HS6ST2: variants seen among roughly 807,000 people sequenced by gnomAD.
HS6ST2 encodes heparan sulfate 6-O-sulfotransferase 2.
Under a neutral mutation model 33.0 loss-of-function variants are expected in HS6ST2, and 17 were observed. That is an observed-to-expected ratio of 0.52 (90% CI 0.35 to 0.77). The LOEUF (loss-of-function observed/expected upper bound fraction) is 0.77, where lower values mean the gene tolerates loss of function less well. Ranked by LOEUF, HS6ST2 falls within the 30% of genes least tolerant of loss-of-function variation. HS6ST2 has a pLI of 0.01. For synonymous variants in HS6ST2, 248 were observed against 237.1 expected (o/e 1.05, Z -0.42); for missense variants, 519 against 551.7 (o/e 0.94, Z 0.59).
intron 2 of HS6ST2, among the ~76,000 whole-genome samples, chrX:132,887,826 G>A (rs1377265122): frequency 1.8e-5 from 2 of 112,162 alleles, no homozygotes; most frequent in African/African-American, 6.5e-5. Context: ...GCCATCAAAA[G>A]GAATAAAGTA....
At chrX:132,905,013 T>C (rs2066458679) in intron 2 of HS6ST2, among the ~76,000 whole-genome samples, 1 of 111,751 alleles carries the variant, frequency 8.9e-6, no homozygotes, top group African/African-American at 3.3e-5. Context: ...GCAGTTTTTG[T>C]TTATTGCCCA....
At chrX:132,729,973 A>T in intron 2 of HS6ST2, among the ~76,000 whole-genome samples, 1 of 109,675 alleles carries the variant, frequency 9.1e-6, no homozygotes, top group East Asian at 2.9e-4. Flanking sequence ...CTGCCTGCTC[A>T]GCCTCCTCTT....
chrX:132,628,822 C>G lies in HS6ST2; in HGVS notation c.1339G>C (p.Val447Leu), dbSNP rs758915436. ...TTGTTTCTTTGCTTTTCAGGCATGA[C>G]AGAGAGGTTGTAGCAGCCTACCAGG... ...LTLVGCYNLS[V>L]MPEKQRNKVL... The change falls in exon 5 of 5, where the codon GTC becomes CTC. Residue 447 changes from valine (V) to leucine (L), a missense_variant. Physicochemically the swap from Val to Leu is conservative, Grantham distance 32 (BLOSUM62 1). Coordinates refer to ENST00000370833, the MANE Select transcript of HS6ST2 (RefSeq NM_001394073.1). 28 of 1,211,817 alleles carry G rather than the reference C, an allele frequency of 2.3e-5. 1 individual carries two copies. The South Asian group carries it at 3.9e-4, about 17-fold the overall frequency.
intron 2 of HS6ST2, among the ~76,000 whole-genome samples, chrX:132,875,021 G>A (rs1461222137): frequency 1.8e-5 from 2 of 111,716 alleles, no homozygotes; most frequent in East Asian, 5.7e-4. Flanking sequence ...AGAAGTCCAA[G>A]AGTAGAGGAA....
At chrX:132,837,723 G>A (rs1263934815) in intron 2 of HS6ST2, among the ~76,000 whole-genome samples, 3 of 111,807 alleles carry the variant, frequency 2.7e-5, no homozygotes, top group Admixed American at 1.9e-4. Context: ...AAATTGTTCC[G>A]CACACTTCTA....
chrX:132,758,612 C>T (rs1294910114), intron 2 of HS6ST2, among the ~76,000 whole-genome samples: 2 of 111,717 alleles, frequency 1.8e-5, no homozygotes, highest in African/African-American at 6.5e-5. Flanking sequence ...AGAAAACCTG[C>T]CTCAACATTG....
chrX:132,882,532 C>T (rs2066189231), intron 2 of HS6ST2, among the ~76,000 whole-genome samples: 1 of 104,501 alleles, frequency 9.6e-6, no homozygotes, highest in South Asian at 4.3e-4. Flanking sequence ...TGGGCTGAGA[C>T]GATGGGGTTT....
intron 2 of HS6ST2, 72 bp downstream of exon 2, chrX:132,956,736 T>G (rs2067076922): frequency 1.1e-5 from 12 of 1,081,131 alleles, no homozygotes; most frequent in Non-Finnish European, 1.5e-5. Flanking sequence ...GTCCCCGGCT[T>G]GGGCCAGCCG....
chrX:132,689,656 T>C (rs1466352142), intron 3 of HS6ST2, among the ~76,000 whole-genome samples: 1 of 112,293 alleles, frequency 8.9e-6, no homozygotes, highest in African/African-American at 3.2e-5. Context: ...TAAGTACAAG[T>C]CATTGAATTA....
intron 2 of HS6ST2, among the ~76,000 whole-genome samples, chrX:132,726,465 C>A (rs989540361): frequency 1.8e-5 from 2 of 112,460 alleles, no homozygotes; most frequent in African/African-American, 3.2e-5. Context: ...AAATTGTATT[C>A]TTTACTTTTC....
At chrX:132,785,659 C>T (rs1273458253) in intron 2 of HS6ST2, among the ~76,000 whole-genome samples, 1 of 111,910 alleles carries the variant, frequency 8.9e-6, no homozygotes. Context: ...AGCTCCAAAA[C>T]ACTCACTGTT....
chrX:132,918,016 T>A (rs1227182164), intron 2 of HS6ST2, among the ~76,000 whole-genome samples: 1 of 112,276 alleles, frequency 8.9e-6, no homozygotes, highest in Non-Finnish European at 1.9e-5. Context: ...ATTTTAGAGA[T>A]GATGAAACTG....
chrX:132,768,488 G>C (rs1242910224), intron 2 of HS6ST2, among the ~76,000 whole-genome samples: 1 of 111,547 alleles, frequency 9.0e-6, no homozygotes, highest in African/African-American at 3.3e-5. Flanking sequence ...ATCATATAAG[G>C]AAAATAAAAA....
intron 2 of HS6ST2, among the ~76,000 whole-genome samples, chrX:132,724,817 G>A (rs190517590): frequency 5.4e-5 from 6 of 111,641 alleles, no homozygotes; most frequent in Non-Finnish European, 1.1e-4. Flanking sequence ...CAGGTCAATG[G>A]AACAGAATAG....
chrX:132,628,154 C>A lies in HS6ST2; in HGVS notation c.*69G>T, dbSNP rs2063491633. The A allele has an allele frequency of 1.2e-6, 1 of 808,796 alleles. No homozygotes were observed. The highest frequency in any genetic ancestry group is 1.7e-6 in the Non-Finnish European group (1 of 575,730). 66.7% of individuals were successfully genotyped at this position (808,796 alleles called of 1,213,427 possible). On this transcript the variant is annotated 3_prime_UTR_variant, in exon 5 of 5. Coordinates refer to ENST00000370833, the MANE Select transcript of HS6ST2 (RefSeq NM_001394073.1). ...GAAGCAGGATGTGTTTGGACACTTT[C>A]ATCTTTTAAGCTATGCCATCTTTTC...
intron 2 of HS6ST2, among the ~76,000 whole-genome samples, chrX:132,740,639 T>G (rs767256664): frequency 1.8e-5 from 2 of 111,576 alleles, no homozygotes; most frequent in East Asian, 5.6e-4. Context: ...ATGGGTGGTG[T>G]TTGCCTTTAG....
At chrX:132,714,608 C>A (rs1043272476) in intron 2 of HS6ST2, among the ~76,000 whole-genome samples, 1 of 111,585 alleles carries the variant, frequency 9.0e-6, no homozygotes, top group East Asian at 2.8e-4. Context: ...CATAAGCCAC[C>A]GTGCCCGGCC....
upstream of HS6ST2, chrX:132,958,834 C>T (rs946150355): frequency 1.7e-5 from 6 of 351,599 alleles, no homozygotes; most frequent in Non-Finnish European, 2.4e-5. Context: ...CTCTCTTTGC[C>T]AATTTCCATT....
At chrX:132,685,489 C>T (rs1000349700) in intron 3 of HS6ST2, among the ~76,000 whole-genome samples, 3 of 111,476 alleles carry the variant, frequency 2.7e-5, no homozygotes, top group African/African-American at 6.5e-5. Flanking sequence ...CTTTAGCAAG[C>T]GCACGAGGGC....
Sources: gnomAD v4.1 joint callset for allele counts (sites outside exome capture counted in the v4.1 genomes callset) on GRCh38, gnomAD v4.1.1 for gene constraint, MANE v1.5 for transcripts, NCBI Gene and HGNC (gene_info 2026-07-23, HGNC 2026-07-21) for gene names.